The following GRM7 variants were observed in gnomAD, a reference collection of about 807,000 sequenced individuals.
The protein encoded by GRM7 is glutamate metabotropic receptor 7, also known as metabotropic glutamate receptor 7.
GRM7 carries 35 observed loss-of-function variants against 84.5 expected under a neutral mutation model. The observed-to-expected ratio is 0.41, with a 90% CI of 0.32 to 0.55. The LOEUF is 0.55. Among genes scored for constraint, GRM7 ranks in the 20% least tolerant of loss-of-function variants. The pLI is 0.19. For synonymous variants in GRM7, 487 were observed against 455.1 expected (o/e 1.07, Z -0.89); for missense variants, 1,003 against 1,194.6 (o/e 0.84, Z 2.36).
At chr3:7,630,919 G>A (rs959833551) in intron 8 of GRM7, among the ~76,000 whole-genome samples, 2 of 152,178 alleles carry the variant, frequency 1.3e-5, no homozygotes, top group African/African-American at 4.8e-5. Flanking sequence ...GTGAATACAG[G>A]ATGAATTTTT....
At chr3:7,185,904 C>T (rs1559491307) in intron 2 of GRM7, among the ~76,000 whole-genome samples, 1 of 152,168 alleles carries the variant, frequency 6.6e-6, no homozygotes, top group Non-Finnish European at 1.5e-5. Flanking sequence ...ATACTTTACC[C>T]AGAAATTGAG....
chr3:6,875,202 C>T (rs893390926), intron 1 of GRM7, among the ~76,000 whole-genome samples: 10 of 151,180 alleles, frequency 6.6e-5, no homozygotes, highest in African/African-American at 2.2e-4. Flanking sequence ...ATAGGATTAT[C>T]ACAGAGGTCT....
chr3:6,949,995 G>A (rs963121742), intron 1 of GRM7, among the ~76,000 whole-genome samples: 4 of 152,130 alleles, frequency 2.6e-5, no homozygotes, highest in African/African-American at 7.2e-5. Context: ...TTTGCCGTTG[G>A]TTCGAACTTC....
intron 2 of GRM7, among the ~76,000 whole-genome samples, chr3:7,250,015 T>C (rs1697920964): frequency 6.6e-6 from 1 of 152,198 alleles, no homozygotes; most frequent in African/African-American, 2.4e-5. Flanking sequence ...GCTCCATCTC[T>C]TGGCTAGAAG....
intron 2 of GRM7, among the ~76,000 whole-genome samples, chr3:7,159,974 G>A (rs1246695918): frequency 1.3e-5 from 2 of 152,180 alleles, no homozygotes; most frequent in Non-Finnish European, 2.9e-5. Context: ...ATGCTATTAT[G>A]AAAAGCATGA....
intron 2 of GRM7, among the ~76,000 whole-genome samples, chr3:7,152,050 A>G (rs1694303603): frequency 6.6e-6 from 1 of 152,190 alleles, no homozygotes; most frequent in African/African-American, 2.4e-5. Context: ...TGAGAACTCA[A>G]TTTTAAGACA....
intron 4 of GRM7, among the ~76,000 whole-genome samples, chr3:7,385,735 A>G (rs531468780): frequency 1.3e-5 from 2 of 152,368 alleles, no homozygotes; most frequent in South Asian, 4.1e-4. Context: ...ATACTCTTCC[A>G]TGTGTACACA....
chr3:6,901,469 G>A (rs528946233), intron 1 of GRM7, among the ~76,000 whole-genome samples: 6 of 151,816 alleles, frequency 4.0e-5, no homozygotes, highest in South Asian at 4.2e-4. Context: ...GTGGTGGTGC[G>A]TGCCTGTAGT....
At position 7,476,907 on chromosome 3, in the gene GRM7, A is replaced by C. The variant is rs1437374741; in HGVS notation, c.1515+15185A>C. On this transcript the variant is annotated intron_variant, in intron 7 of 9. Transcript: ENST00000357716. ...CACCAAACTGAATACTGGCCACTGGACACATTTCACCTTACTTGTGAAGAC... is the reference window on the plus strand; with the variant it reads ...CACCAAACTGAATACTGGCCACTGGCCACATTTCACCTTACTTGTGAAGAC... 2.0e-5 allele frequency among the ~76,000 whole-genome samples: 3 copies of C among 152,164 alleles called. No individual in the cohort carries two copies. In the East Asian group the frequency reaches 5.8e-4, roughly 29 times the overall value.
intron 1 of GRM7, among the ~76,000 whole-genome samples, chr3:7,031,303 T>A (rs536512277): frequency 6.6e-6 from 1 of 152,262 alleles, no homozygotes; most frequent in South Asian, 2.1e-4. Flanking sequence ...TTAGGATGCA[T>A]TTCCCTTGAT....
chr3:7,370,798 A>T (rs1400924608), intron 4 of GRM7, among the ~76,000 whole-genome samples: 2 of 152,178 alleles, frequency 1.3e-5, no homozygotes, highest in African/African-American at 4.8e-5. Flanking sequence ...TTGGTGCAAG[A>T]TAAATTAAAA....
chr3:7,127,615 G>A (rs2125049826), intron 1 of GRM7, among the ~76,000 whole-genome samples: 1 of 152,186 alleles, frequency 6.6e-6, no homozygotes, highest in African/African-American at 2.4e-5. Flanking sequence ...CTGGGAAGGT[G>A]CATTTTAAAA....
At chr3:7,649,150 A>G (rs1043228154) in intron 8 of GRM7, among the ~76,000 whole-genome samples, 1 of 150,740 alleles carries the variant, frequency 6.6e-6, no homozygotes, top group Non-Finnish European at 1.5e-5. Flanking sequence ...GCTCACTGCT[A>G]GCTCCGCCTC....
At chr3:7,023,389 A>G (rs941975679) in intron 1 of GRM7, among the ~76,000 whole-genome samples, 7 of 151,902 alleles carry the variant, frequency 4.6e-5, no homozygotes, top group Admixed American at 2.0e-4. Context: ...TCAGAAAGGG[A>G]CCTTGGTTCT....
intron 7 of GRM7, among the ~76,000 whole-genome samples, chr3:7,550,122 ATT>A (rs1429011006): frequency 2.0e-5 from 3 of 150,256 alleles, no homozygotes. Context: ...TTAGTAATGG[ATT>A]TAAGTGCTGT....
intron 5 of GRM7, among the ~76,000 whole-genome samples, chr3:7,425,665 G>T (rs1303435650): frequency 6.6e-6 from 1 of 152,060 alleles, no homozygotes; most frequent in Non-Finnish European, 1.5e-5. Flanking sequence ...GAAAATGTTG[G>T]ATTACAAGAT....
chr3:7,006,606 ATT>A (rs1298831798), intron 1 of GRM7, among the ~76,000 whole-genome samples: 3 of 152,196 alleles, frequency 2.0e-5, no homozygotes, highest in Non-Finnish European at 4.4e-5. Context: ...TCTTATGACT[ATT>A]ATTCAGTGTG....
In GRM7 at chr3:7,428,257, A is replaced by G. The variant is rs532256222; in HGVS notation, c.1174+13094A>G. ...TTTGTTATCCAAGTGTAGGGAAAGA[A>G]TGTGGGCAAAGAAAAGACTGTCCTT... On this transcript the variant is annotated intron_variant, in intron 5 of 9. Coordinates refer to ENST00000357716, the MANE Select transcript of GRM7 (RefSeq NM_000844.4). 3.3e-5 allele frequency among the ~76,000 whole-genome samples: 5 copies of G among 149,264 alleles called. No individual in the cohort carries two copies. The East Asian group carries it at 1.0e-3, about 30-fold the overall frequency.
At chr3:7,435,529 AGAGATG>A (rs1697008284) in intron 5 of GRM7, among the ~76,000 whole-genome samples, 1 of 151,702 alleles carries the variant, frequency 6.6e-6, no homozygotes, top group African/African-American at 2.4e-5. Context: ...TTTTGTTTTT[AGAGATG>A]GAGTTTCACT....
Sources: allele counts gnomAD v4.1 joint callset (sites outside exome capture counted in the v4.1 genomes callset), GRCh38; gene constraint gnomAD v4.1.1; transcripts MANE v1.5; gene names NCBI Gene and HGNC (gene_info 2026-07-23, HGNC 2026-07-21).